The following FRMD6 variants were observed in gnomAD, a reference collection of about 807,000 sequenced individuals.
FRMD6 encodes FERM domain containing 6.
Under a neutral mutation model 73.2 loss-of-function variants are expected in FRMD6, and 37 were observed. The ratio of observed to expected loss-of-function variants is 0.51; its 90% CI spans 0.39 to 0.66. FRMD6 has a LOEUF of 0.66. Among genes scored for constraint, FRMD6 ranks in the 30% least tolerant of loss-of-function variants. The pLI is 0.00. For synonymous variants in FRMD6, 273 were observed against 282.2 expected, an observed-to-expected ratio of 0.97 and a Z score of 0.33; for missense variants, 714 against 780.5, an observed-to-expected ratio of 0.91 and a Z score of 1.02.
chr14:51,601,834 G>C (rs1890049959), intron 2 of FRMD6, among the ~76,000 whole-genome samples: 1 of 152,174 alleles, frequency 6.6e-6, no homozygotes, highest in African/African-American at 2.4e-5. Flanking sequence ...TCATAATTTA[G>C]TCATTTAATT....
chr14:51,642,376 C>A (rs1393202969), intron 2 of FRMD6, among the ~76,000 whole-genome samples: 3 of 152,048 alleles, frequency 2.0e-5, no homozygotes, highest in African/African-American at 7.2e-5. Context: ...CCTGTCTCTA[C>A]TAATAATAGA....
At chr14:51,671,914 C>G (rs1894035943) in intron 1 of FRMD6, among the ~76,000 whole-genome samples, 1 of 152,198 alleles carries the variant, frequency 6.6e-6, no homozygotes, top group Non-Finnish European at 1.5e-5. Context: ...ATTCAGCTTA[C>G]ACAATCAGAA....
chr14:51,420,040 C>T, the FRMD6 span, among the ~76,000 whole-genome samples: 3 of 152,034 alleles, frequency 2.0e-5, no homozygotes, highest in East Asian at 1.9e-4. Context: ...TTTTTAGGTG[C>T]GACTGAGTTC....
At chr14:51,684,830 C>T (rs1895043120) in intron 1 of FRMD6, among the ~76,000 whole-genome samples, 1 of 152,160 alleles carries the variant, frequency 6.6e-6, no homozygotes, top group African/African-American at 2.4e-5. Flanking sequence ...ATTTAATGAG[C>T]ATATACTATG....
At chr14:51,666,495 T>A (rs564938305) in intron 1 of FRMD6, among the ~76,000 whole-genome samples, 32 of 152,300 alleles carry the variant, frequency 2.1e-4, no homozygotes, top group African/African-American at 7.5e-4. Flanking sequence ...TATTAAGAAG[T>A]AGAGGTGCTG....
chr14:51,717,359 G>C (rs76659303), intron 10 of FRMD6: 1 of 152,138 alleles, frequency 6.6e-6, no homozygotes, highest in African/African-American at 2.4e-5. Context: ...GTGAGAAAGA[G>C]TAAAAGGGGG....
intron 1 of FRMD6, among the ~76,000 whole-genome samples, chr14:51,489,635 G>A (rs2140160456): frequency 6.6e-6 from 1 of 152,256 alleles, no homozygotes; most frequent in East Asian, 1.9e-4. Context: ...GGGTACCTTG[G>A]GTTGTCCAAT....
intron 1 of FRMD6, among the ~76,000 whole-genome samples, chr14:51,519,298 G>A (rs1566789788): frequency 6.6e-6 from 1 of 151,760 alleles, no homozygotes; most frequent in Non-Finnish European, 1.5e-5. Context: ...CCAAGTAGCT[G>A]GGACTACAGG....
intron 1 of FRMD6, among the ~76,000 whole-genome samples, chr14:51,669,148 C>G (rs992884846): frequency 3.3e-5 from 5 of 152,184 alleles, no homozygotes; most frequent in Non-Finnish European, 5.9e-5. Context: ...TCAGTCTCCT[C>G]CCCTGCCACT....
the FRMD6 span, among the ~76,000 whole-genome samples, chr14:51,426,859 C>A: frequency 1.3e-5 from 2 of 152,280 alleles, no homozygotes; most frequent in African/African-American, 4.8e-5. Flanking sequence ...GGGATGGGGC[C>A]TGATCCCTGG....
intron 2 of FRMD6, among the ~76,000 whole-genome samples, chr14:51,580,462 A>G (rs1357248510): frequency 6.6e-6 from 1 of 152,194 alleles, no homozygotes; most frequent in African/African-American, 2.4e-5. Context: ...AGCTCTTATT[A>G]TTCCTATTTT....
At chr14:51,455,681 G>C in the FRMD6 span, among the ~76,000 whole-genome samples, 1 of 152,260 alleles carries the variant, frequency 6.6e-6, no homozygotes, top group East Asian at 1.9e-4. Context: ...ACTGGGCAGA[G>C]AACAGCTTCA....
chr14:51,598,455 T>C (rs956690761), intron 2 of FRMD6, among the ~76,000 whole-genome samples: 12 of 152,218 alleles, frequency 7.9e-5, no homozygotes, highest in African/African-American at 2.4e-4. Flanking sequence ...TACAAGTTTG[T>C]TAAGTAGGCA....
intron 1 of FRMD6, among the ~76,000 whole-genome samples, chr14:51,662,572 T>C (rs1192824213): frequency 6.6e-6 from 1 of 152,196 alleles, no homozygotes; most frequent in African/African-American, 2.4e-5. Context: ...CATTGAATGG[T>C]GCTGGGATAA....
chr14:51,674,899 T>G (rs1026289562), intron 1 of FRMD6, among the ~76,000 whole-genome samples: 8 of 152,146 alleles, frequency 5.3e-5, no homozygotes. Context: ...CTGGATTTTG[T>G]TGACTTCACA....
At chr14:51,710,804 T>C (rs1465418151) in intron 7 of FRMD6, among the ~76,000 whole-genome samples, 1 of 152,214 alleles carries the variant, frequency 6.6e-6, no homozygotes, top group African/African-American at 2.4e-5. Flanking sequence ...AGATGAGCAC[T>C]TAAAGGATGT....
At chr14:51,481,429 G>A in the FRMD6 span, among the ~76,000 whole-genome samples, 3 of 152,154 alleles carry the variant, frequency 2.0e-5, no homozygotes, top group Non-Finnish European at 2.9e-5. Context: ...TCACTACCAC[G>A]AGAACAGTAT....
chr14:51,579,495 A>T (rs1888592873), intron 2 of FRMD6, among the ~76,000 whole-genome samples: 1 of 152,192 alleles, frequency 6.6e-6, no homozygotes, highest in Non-Finnish European at 1.5e-5. Context: ...TACTTCTAGG[A>T]TATAACTTCT....
At chr14:51,414,879 T>C in the FRMD6 span, among the ~76,000 whole-genome samples, 1 of 152,196 alleles carries the variant, frequency 6.6e-6, no homozygotes, top group Non-Finnish European at 1.5e-5. Flanking sequence ...CCCTTGTAAG[T>C]TGGATTCCTA....
Sources: allele counts gnomAD v4.1 joint callset (sites outside exome capture counted in the v4.1 genomes callset), GRCh38; gene constraint gnomAD v4.1.1; transcripts MANE v1.5; gene names NCBI Gene and HGNC (gene_info 2026-07-23, HGNC 2026-07-21).